The following HDAC9 variants were observed in gnomAD, a reference collection of about 807,000 sequenced individuals.
HDAC9 encodes the protein MEF-2 interacting transcription repressor (MITR) protein.
HDAC9 carries 41 observed loss-of-function variants against 139.4 expected under a neutral mutation model. That is an observed-to-expected ratio of 0.29 (90% confidence interval 0.23 to 0.38). The LOEUF (loss-of-function observed/expected upper bound fraction) is 0.38. HDAC9 is among the 10% of genes least tolerant of loss of function. The pLI is 1.00. For missense variants in HDAC9, 1,147 were observed against 1,297.0 expected, an observed-to-expected ratio of 0.88 and a Z score of 1.78; for synonymous variants, 517 against 476.2, an observed-to-expected ratio of 1.09 and a Z score of -1.12.
chr7:18,825,817 TACAC>T (rs996263173), intron 17 of HDAC9, among the ~76,000 whole-genome samples: 10 of 148,136 alleles, frequency 6.8e-5, no homozygotes, highest in African/African-American at 2.4e-4. Context: ...TATAAACAAA[TACAC>T]ACATATATAC....
At chr7:18,763,483 G>T (rs571221901) in intron 15 of HDAC9, among the ~76,000 whole-genome samples, 70 of 152,136 alleles carry the variant, frequency 4.6e-4, no homozygotes, top group African/African-American at 1.7e-3. Context: ...AAAAAATAAT[G>T]TATACTATCG....
At chr7:18,595,305 T>C (rs1201150301) in intron 6 of HDAC9, among the ~76,000 whole-genome samples, 1 of 151,976 alleles carries the variant, frequency 6.6e-6, no homozygotes, top group Non-Finnish European at 1.5e-5. Context: ...AATTGAGTTT[T>C]ATGTATTGCA....
intron 22 of HDAC9, among the ~76,000 whole-genome samples, chr7:18,932,814 T>TAGAA (rs199555359): frequency 7.9e-5 from 6 of 75,712 alleles, no homozygotes; most frequent in African/African-American, 3.0e-4. Context: ...GAAAGAAAGA[T>TAGAA]AGAAAGAAAG....
chr7:18,570,369 A>G (rs1377409803), intron 2 of HDAC9, among the ~76,000 whole-genome samples: 1 of 152,214 alleles, frequency 6.6e-6, no homozygotes, highest in Non-Finnish European at 1.5e-5. Context: ...GTGTCAAAAT[A>G]TGAAGAAATA....
At chr7:18,308,186 CTT>C (rs1799057751) in intron 1 of HDAC9, among the ~76,000 whole-genome samples, 1 of 152,130 alleles carries the variant, frequency 6.6e-6, no homozygotes, top group South Asian at 2.1e-4. Context: ...TTGTTAAAGA[CTT>C]CATCCAATTT....
At chr7:18,921,028 A>T (rs566582566) in intron 22 of HDAC9, among the ~76,000 whole-genome samples, 32 of 152,294 alleles carry the variant, frequency 2.1e-4, no homozygotes, top group African/African-American at 7.7e-4. Flanking sequence ...CTGGCTAGCC[A>T]TATGTAGAAA....
intron 2 of HDAC9, among the ~76,000 whole-genome samples, chr7:18,192,016 C>G (rs560942490): frequency 6.6e-6 from 1 of 152,220 alleles, no homozygotes; most frequent in East Asian, 1.9e-4. Context: ...TAGAAAAAAA[C>G]CCTTAATTGT....
chr7:18,767,070 A>T, intron 15 of HDAC9, 36 bp from the exon 16 acceptor site: 1 of 1,022,718 alleles, frequency 9.8e-7, no homozygotes, highest in South Asian at 1.8e-5. Context: ...TATAACCTCC[A>T]TTTATCTATA....
chr7:18,983,641 T>C (rs1435237187), intron 25 of HDAC9, among the ~76,000 whole-genome samples: 1 of 152,204 alleles, frequency 6.6e-6, no homozygotes. Context: ...GGAAGTCATA[T>C]GTTTTACTTC....
chr7:18,794,380 T>C (rs1360569214), intron 17 of HDAC9, among the ~76,000 whole-genome samples: 4 of 152,220 alleles, frequency 2.6e-5, no homozygotes, highest in Non-Finnish European at 1.5e-5. Context: ...TTCAATTACA[T>C]GGGACTCTTC....
rs115610783 is a variant in HDAC9, at chr7:18,202,799, A to G, written c.25+40450A>G. Among the ~76,000 whole-genome samples the G allele has an allele frequency of 3.3e-3, 507 of 152,290 alleles. 4 individuals carry two copies. The highest frequency in any genetic ancestry group is 0.012 in the African/African-American group (496 of 41,568). ...ACCTGAGAGAGGTCATACAGGAAAT[A>G]GCATAGAAGTTGTCACAGTACACCT... On this transcript the variant is annotated intron_variant, in intron 2 of 12. Transcript: ENST00000417496.
In HDAC9 at chr7:18,591,583, A is replaced by T; in HGVS notation, c.483A>T (p.Lys161Asn). The T allele has an allele frequency of 6.2e-7, 1 of 1,613,540 alleles. No individual in the cohort carries two copies. The highest frequency in any genetic ancestry group is 8.5e-7 in the Non-Finnish European group (1 of 1,179,740). Reference sequence around the variant, plus strand: ...TCCTACTGAGTAAATCAGCAACGAAAGACACTCCAACTAATGGAAAAAATC... The same window carrying T: ...TCCTACTGAGTAAATCAGCAACGAATGACACTCCAACTAATGGAAAAAATC... ...QEFLLSKSAT[K>N]DTPTNGKNHS... The change falls in exon 5 of 26, where the codon AAA becomes AAT. Residue 161 changes from lysine to asparagine, a missense_variant. Coordinates refer to ENST00000686413, the MANE Select transcript of HDAC9 (RefSeq NM_178425.4).
intron 1 of HDAC9, among the ~76,000 whole-genome samples, chr7:18,450,448 C>T (rs192363777): frequency 5.9e-5 from 9 of 152,254 alleles, no homozygotes; most frequent in South Asian, 2.1e-4. Flanking sequence ...TTTATTTCAG[C>T]GGCAGAAGAA....
intron 2 of HDAC9, among the ~76,000 whole-genome samples, chr7:18,534,524 G>A (rs942137709): frequency 2.6e-5 from 4 of 152,138 alleles, no homozygotes; most frequent in Non-Finnish European, 5.9e-5. Flanking sequence ...TTCAGCTTGG[G>A]TAACAGAATA....
intron 2 of HDAC9, among the ~76,000 whole-genome samples, chr7:18,534,877 G>A (rs1474428685): frequency 6.6e-6 from 1 of 152,184 alleles, no homozygotes; most frequent in African/African-American, 2.4e-5. Flanking sequence ...TTAGAGAGGA[G>A]GAGAAATGTC....
At position 18,246,388 on chromosome 7, in the gene HDAC9, C is replaced by A. The variant is rs1794527685; in HGVS notation, c.25+84039C>A. ...ACATAACAAAGTTTACAATTTTAAC[C>A]ATTTTTAGTGTACGATTCATTGGCA... On this transcript the variant is annotated intron_variant, in intron 2 of 12. Transcript: ENST00000417496. Among the ~76,000 whole-genome samples, 4 of 151,962 alleles carry A rather than the reference C, an allele frequency of 2.6e-5. No individual in the cohort carries two copies. The South Asian group carries it at 8.3e-4, about 32-fold the overall frequency.
chr7:18,951,093 C>T (rs567179728), intron 23 of HDAC9, among the ~76,000 whole-genome samples: 1 of 151,990 alleles, frequency 6.6e-6, no homozygotes, highest in Non-Finnish European at 1.5e-5. Context: ...CCAAGAATAT[C>T]CCTCGCCTCT....
At chr7:18,644,861 C>G (rs1430414286) in intron 9 of HDAC9, 68 bp downstream of exon 9, 6 of 1,505,018 alleles carry the variant, frequency 4.0e-6, no homozygotes, top group African/African-American at 1.4e-5. Context: ...AACTCTCTTT[C>G]GTGTTTTATG....
chr7:18,190,076 A>T (rs1790234262), intron 2 of HDAC9, among the ~76,000 whole-genome samples: 1 of 152,024 alleles, frequency 6.6e-6, no homozygotes, highest in African/African-American at 2.4e-5. Context: ...ACTAGCTGGG[A>T]TTACAGGTGC....
Sources: allele counts gnomAD v4.1 joint callset (sites outside exome capture counted in the v4.1 genomes callset), GRCh38; gene constraint gnomAD v4.1.1; transcripts MANE v1.5; gene names NCBI Gene and HGNC (gene_info 2026-07-23, HGNC 2026-07-21).